Variants in CCDC15 observed in about 807,000 individuals in gnomAD.
CCDC15 encodes the protein coiled-coil domain-containing protein 15.
Under a neutral mutation model 114.5 loss-of-function variants are expected in CCDC15, and 105 were observed. That is an observed-to-expected ratio of 0.92 (90% CI 0.78 to 1.08). CCDC15 has a LOEUF of 1.08. CCDC15 is among the 50% of genes least tolerant of loss of function. The pLI is 0.00. For missense variants in CCDC15, 1,105 were observed against 1,093.6 expected, an observed-to-expected ratio of 1.01 and a Z score of -0.15; for synonymous variants, 334 against 377.8, an observed-to-expected ratio of 0.88 and a Z score of 1.34.
intron 13 of CCDC15, among the ~76,000 whole-genome samples, chr11:125,009,250 T>A (rs1212237028): frequency 6.6e-6 from 1 of 151,698 alleles, no homozygotes; most frequent in Admixed American, 6.6e-5. Context: ...AAAGTTATAA[T>A]GAAATCTAAT....
At chr11:124,998,034 T>C (rs1384274334) in intron 11 of CCDC15, among the ~76,000 whole-genome samples, 4 of 152,170 alleles carry the variant, frequency 2.6e-5, no homozygotes, top group Non-Finnish European at 5.9e-5. Flanking sequence ...TGTTATTTAG[T>C]GGTAGGAAGC....
rs187372689 is a variant in CCDC15 at position 124,963,776 on chromosome 11, G to A, written c.516+3773G>A. Among the ~76,000 whole-genome samples the A allele has an allele frequency of 5.3e-3, 805 of 152,288 alleles. 6 individuals carry two copies. The highest frequency in any genetic ancestry group is 0.018 in the African/African-American group (750 of 41,554). ...TCATCTAGAGTTTTTATGGTTTTAGGTCTAACATTTAAGTCTTTAATCCAT... is the reference window on the plus strand; with the variant it reads ...TCATCTAGAGTTTTTATGGTTTTAGATCTAACATTTAAGTCTTTAATCCAT... On this transcript the variant is annotated intron_variant, in intron 4 of 15. Transcript: ENST00000344762.
intron 13 of CCDC15, among the ~76,000 whole-genome samples, chr11:125,023,194 C>T (rs1948674192): frequency 6.6e-6 from 1 of 151,884 alleles, no homozygotes; most frequent in African/African-American, 2.4e-5. Flanking sequence ...TGGTGTGAGG[C>T]TTATTTTTTT....
In CCDC15 at chr11:125,030,965, G is replaced by A. The variant is rs114954111; in HGVS notation, c.2412-7466G>A. 9.5e-3 allele frequency among the ~76,000 whole-genome samples: 1,443 copies of A among 152,276 alleles called. 36 individuals carry two copies. The highest frequency in any genetic ancestry group is 0.032 in the African/African-American group (1,324 of 41,532). On this transcript the variant is annotated intron_variant, in intron 13 of 15. Transcript: ENST00000344762. ...TTCACAGGTTTTTACCCCTCAGAGA[G>A]GTCCGTCCACATAACTCTTCCCCAG...
chr11:124,989,406 G>A (rs1948232228), intron 8 of CCDC15, among the ~76,000 whole-genome samples: 1 of 152,180 alleles, frequency 6.6e-6, no homozygotes, highest in Admixed American at 6.5e-5. Context: ...AGTAGATTTA[G>A]TGCCATTCTT....
chr11:125,020,158 A>T (rs912570998), intron 13 of CCDC15, among the ~76,000 whole-genome samples: 1 of 152,010 alleles, frequency 6.6e-6, no homozygotes, highest in Admixed American at 6.6e-5. Context: ...CTTCTAAATT[A>T]GATCTTAATT....
At chr11:124,957,364 G>T (rs754037621) in intron 2 of CCDC15, among the ~76,000 whole-genome samples, 10 of 152,238 alleles carry the variant, frequency 6.6e-5, no homozygotes, top group African/African-American at 1.7e-4. Flanking sequence ...GGCCTAGGAT[G>T]ACTAGAATGT....
chr11:124,969,179 T>C (rs955210952), intron 4 of CCDC15, among the ~76,000 whole-genome samples: 3 of 152,212 alleles, frequency 2.0e-5, no homozygotes, highest in Non-Finnish European at 4.4e-5. Context: ...ATTTTAAATA[T>C]GATTTGGCCA....
chr11:124,997,402 G>C (rs1459365597), intron 11 of CCDC15, among the ~76,000 whole-genome samples: 2 of 152,112 alleles, frequency 1.3e-5, no homozygotes, highest in Admixed American at 1.3e-4. Flanking sequence ...TGATCCTCCT[G>C]CCTCAGCCTC....
At chr11:124,996,493 A>G (rs12271663) in intron 11 of CCDC15, among the ~76,000 whole-genome samples, 30,726 of 152,108 alleles carry the variant, frequency 0.2, 3,677 homozygotes, top group African/African-American at 0.33. Flanking sequence ...AGTCCTCTTT[A>G]TAAGCATTTA....
chr11:124,980,089 G>T (rs1359483392), intron 6 of CCDC15, among the ~76,000 whole-genome samples: 1 of 152,122 alleles, frequency 6.6e-6, no homozygotes, highest in African/African-American at 2.4e-5. Flanking sequence ...AATGATTTGT[G>T]TATGTTGAAC....
rs75047156 is a variant in CCDC15 at position 124,970,088 on chromosome 11, A to G, written c.517-5008A>G. On this transcript the variant is annotated intron_variant, in intron 4 of 15. Coordinates refer to ENST00000344762, the MANE Select transcript of CCDC15 (RefSeq NM_025004.3). The stretch of plus-strand genomic sequence containing the variant: ...AGTTGGTCACCTTGTTTCTACATGT[A>G]TGCTTCCCTCTTATTTTCTCATTTC... Among the ~76,000 whole-genome samples, 22 of 152,226 alleles carry G rather than the reference A, an allele frequency of 1.4e-4. No individual in the cohort carries two copies. The East Asian group carries it at 3.9e-3, about 27-fold the overall frequency.
At chr11:125,022,736 G>A (rs113787866) in intron 13 of CCDC15, among the ~76,000 whole-genome samples, 6 of 152,052 alleles carry the variant, frequency 3.9e-5, no homozygotes, top group African/African-American at 1.2e-4. Context: ...TATTGAAGAA[G>A]TATGAGTATG....
intron 2 of CCDC15, among the ~76,000 whole-genome samples, chr11:124,957,404 T>C (rs540427073): frequency 2.2e-4 from 34 of 152,302 alleles, no homozygotes; most frequent in African/African-American, 8.2e-4. Flanking sequence ...GTTTCTCTTT[T>C]CACATGGCTT....
chr11:125,036,600 G>T (rs1192601129), intron 13 of CCDC15, among the ~76,000 whole-genome samples: 1 of 143,594 alleles, frequency 7.0e-6, no homozygotes, highest in East Asian at 1.9e-4. Flanking sequence ...AAAACTCTTA[G>T]ATTTGCCCTT....
At position 124,987,964 on chromosome 11, in the gene CCDC15, T is replaced by G. The variant is rs375126608; in HGVS notation, c.1738T>G (p.Cys580Gly). The G allele has an allele frequency of 2.1e-4, 335 of 1,613,834 alleles. No individual in the cohort carries two copies. The highest frequency in any genetic ancestry group is 2.6e-4 in the Non-Finnish European group (308 of 1,179,876). Residue 580 changes from cysteine to glycine, a missense_variant, in exon 8 of 16, where the codon TGT (cysteine) becomes GGT (glycine). Coordinates refer to ENST00000344762, the MANE Select transcript of CCDC15 (RefSeq NM_025004.3). ...CAAAGACCAAAATATTCTACCCATA[T>G]GTCAGGACCAGGATTTTCTACCCAG... ...LPKDQNILPI[C>G]QDQDFLPRDQ...
At chr11:125,033,997 T>C (rs4936971) in intron 13 of CCDC15, among the ~76,000 whole-genome samples, 30,939 of 152,046 alleles carry the variant, frequency 0.2, 3,745 homozygotes, top group African/African-American at 0.34. Context: ...TCTAGGAGCC[T>C]GCTAGGACTT....
At position 125,040,675 on chromosome 11, in the gene CCDC15, T is replaced by G. The variant is rs1948809848; in HGVS notation, c.2820T>G (p.Phe940Leu). 1 of 1,612,388 alleles carries G rather than the reference T, an allele frequency of 6.2e-7. No homozygotes were observed. Among genetic ancestry groups the G allele is most frequent in the Non-Finnish European group, 8.5e-7 (1 of 1,179,118 alleles). The stretch of plus-strand genomic sequence containing the variant: ...CTCTTCGAGTCGCAATTCATAATTT[T>G]GCTTCTGCACACAGGCGGACTTTGA... ...NSTLRVAIHN[F>L]ASAHRRTLKN... The change falls in exon 16 of 16, where the codon TTT becomes TTG. Residue 940 changes from phenylalanine (F) to leucine (L), a missense_variant. Transcript: ENST00000344762.
At chr11:125,018,664 T>C (rs1948643238) in intron 13 of CCDC15, among the ~76,000 whole-genome samples, 1 of 152,074 alleles carries the variant, frequency 6.6e-6, no homozygotes, top group Non-Finnish European at 1.5e-5. Context: ...CTCATAAAGT[T>C]CCTGCAAGGA....
Sources: allele counts gnomAD v4.1 joint callset (sites outside exome capture counted in the v4.1 genomes callset), GRCh38; gene constraint gnomAD v4.1.1; transcripts MANE v1.5; gene names NCBI Gene and HGNC (gene_info 2026-07-23, HGNC 2026-07-21).